The following ST6GALNAC5 variants were observed in gnomAD, a reference collection of about 807,000 sequenced individuals.
ST6GALNAC5 encodes ST6 N-acetylgalactosaminide alpha-2,6-sialyltransferase 5.
ST6GALNAC5 carries 27 observed loss-of-function variants against 33.6 expected under a neutral mutation model. That is an observed-to-expected ratio of 0.80 (90% CI 0.59 to 1.11). The LOEUF (loss-of-function observed/expected upper bound fraction) is 1.11. ST6GALNAC5 is among the 50% of genes least tolerant of loss of function. ST6GALNAC5 has a pLI of 0.00. For synonymous variants in ST6GALNAC5, 194 were observed against 171.2 expected (o/e 1.13, Z -1.04); for missense variants, 428 against 454.0 (o/e 0.94, Z 0.52).
intron 2 of ST6GALNAC5, among the ~76,000 whole-genome samples, chr1:76,904,385 A>G (rs1646845458): frequency 3.9e-5 from 6 of 152,212 alleles, no homozygotes. Context: ...CGTTCATAGC[A>G]ACACAGTTTA....
intron 2 of ST6GALNAC5, among the ~76,000 whole-genome samples, chr1:76,944,355 G>T (rs114784664): frequency 7.2e-5 from 11 of 152,206 alleles, no homozygotes; most frequent in African/African-American, 2.4e-4. Flanking sequence ...GCATGAAAAA[G>T]AGAAAGTTCT....
chr1:77,009,870 A>G (rs763799133), intron 2 of ST6GALNAC5, among the ~76,000 whole-genome samples: 15 of 152,076 alleles, frequency 9.9e-5, no homozygotes, highest in Non-Finnish European at 1.9e-4. Flanking sequence ...TTTTTAATAG[A>G]GTGACCTTGA....
Position 77,044,397 on chromosome 1 carries a change from TC to T in ST6GALNAC5, c.457del (p.Leu153SerfsTer10). ...ATCGCGCATTCCAGCATCCAGAGGA[TC>T]CTCCGCAACCGCCATGACCTGCTCA... ...RVIAHSSIQRILRNRHDLLNV... is the reference protein window; with the variant it reads ...RVIAHSSIQRXLRNRHDLLNV... On this transcript the variant is annotated frameshift_variant, in exon 3 of 5. Coordinates refer to ENST00000477717, the MANE Select transcript of ST6GALNAC5 (RefSeq NM_030965.3). LOFTEE classifies it high-confidence loss of function. The T allele has an allele frequency of 1.9e-6, 3 of 1,612,978 alleles. No homozygotes were observed. The South Asian group carries it at 3.3e-5, about 18-fold the overall frequency.
chr1:76,951,242 C>G (rs745474338), intron 2 of ST6GALNAC5, among the ~76,000 whole-genome samples: 14 of 152,120 alleles, frequency 9.2e-5, no homozygotes, highest in Admixed American at 2.6e-4. Context: ...GAGTTAACCT[C>G]CATCACCACT....
At chr1:77,046,746 A>G (rs898993382) in intron 3 of ST6GALNAC5, among the ~76,000 whole-genome samples, 1 of 152,260 alleles carries the variant, frequency 6.6e-6, no homozygotes, top group African/African-American at 2.4e-5. Context: ...AAAATTTGAA[A>G]TAAGTAGAAA....
chr1:76,892,425 C>G (rs1017734331), intron 2 of ST6GALNAC5, among the ~76,000 whole-genome samples: 2 of 152,160 alleles, frequency 1.3e-5, no homozygotes, highest in Non-Finnish European at 2.9e-5. Context: ...AGGCATTCAG[C>G]ATTACTTGTA....
chr1:76,986,988 C>G (rs1649529431), intron 2 of ST6GALNAC5, among the ~76,000 whole-genome samples: 1 of 151,942 alleles, frequency 6.6e-6, no homozygotes, highest in East Asian at 1.9e-4. Context: ...GGACACAGGG[C>G]AAGGGAACAT....
chr1:76,911,564 A>G (rs1246819428), intron 2 of ST6GALNAC5, among the ~76,000 whole-genome samples: 2 of 152,036 alleles, frequency 1.3e-5, no homozygotes, highest in African/African-American at 2.4e-5. Flanking sequence ...CTGTGAATCC[A>G]TCTGGTCCTG....
chr1:76,963,316 C>T (rs886604051), intron 2 of ST6GALNAC5, among the ~76,000 whole-genome samples: 22 of 152,174 alleles, frequency 1.4e-4, no homozygotes, highest in Admixed American at 1.2e-3. Context: ...GATCACACAG[C>T]GAGTGCTCTG....
rs1325960840 is a variant in ST6GALNAC5 at position 76,868,846 on chromosome 1, T to C, written c.261+104T>C. The stretch of plus-strand genomic sequence containing the variant: ...TGGGAGGCGCTGTGAGTAGGTGCCG[T>C]TCGAAGGCTGGAGGGGAGTGGACCC... On this transcript the variant is annotated intron_variant, in intron 2 of 4. Coordinates refer to ENST00000477717, the MANE Select transcript of ST6GALNAC5 (RefSeq NM_030965.3). This position sits in a 1 kb window ranked among gnomAD's most constrained non-coding sequence, Gnocchi z 4.3. 7.0e-7 allele frequency: 1 copy of C among 1,419,468 alleles called. No homozygotes were observed. Among genetic ancestry groups the C allele is most frequent in the African/African-American group, 1.5e-5 (1 of 67,534 alleles). 87.9% of individuals were successfully genotyped at this position (1,419,468 alleles called of 1,614,324 possible).
At chr1:76,924,615 C>T (rs1275771049) in intron 2 of ST6GALNAC5, among the ~76,000 whole-genome samples, 1 of 152,102 alleles carries the variant, frequency 6.6e-6, no homozygotes, top group African/African-American at 2.4e-5. Flanking sequence ...TCTTTGTTTC[C>T]TCATATACTT....
At chr1:76,967,736 T>C (rs546616219) in intron 2 of ST6GALNAC5, among the ~76,000 whole-genome samples, 2 of 152,216 alleles carry the variant, frequency 1.3e-5, no homozygotes, top group African/African-American at 4.8e-5. Context: ...TAAATTTCCC[T>C]CTACACACTG....
chr1:76,981,373 G>C (rs1478624632), intron 2 of ST6GALNAC5, among the ~76,000 whole-genome samples: 1 of 152,218 alleles, frequency 6.6e-6, no homozygotes, highest in Non-Finnish European at 1.5e-5. Context: ...CACCCATAGA[G>C]CCTTGCTCAC....
At chr1:76,874,125 G>T (rs1406198372) in intron 2 of ST6GALNAC5, among the ~76,000 whole-genome samples, 1 of 152,182 alleles carries the variant, frequency 6.6e-6, no homozygotes, top group Non-Finnish European at 1.5e-5. Flanking sequence ...TTAGAAGTTT[G>T]TTAAGCTTTC....
intron 2 of ST6GALNAC5, among the ~76,000 whole-genome samples, chr1:76,979,098 A>G (rs1303125265): frequency 6.6e-6 from 1 of 152,134 alleles, no homozygotes; most frequent in African/African-American, 2.4e-5. Flanking sequence ...AAACTATAAA[A>G]CATGGATGAA....
intron 2 of ST6GALNAC5, among the ~76,000 whole-genome samples, chr1:76,969,594 G>A (rs1031517998): frequency 6.6e-5 from 10 of 152,216 alleles, no homozygotes; most frequent in African/African-American, 2.4e-4. Flanking sequence ...ACCTATGGGG[G>A]CAGGGCATAG....
chr1:76,942,438 T>A (rs554851516), intron 2 of ST6GALNAC5, among the ~76,000 whole-genome samples: 8 of 152,114 alleles, frequency 5.3e-5, no homozygotes, highest in Non-Finnish European at 1.0e-4. Flanking sequence ...TCCAAAATCA[T>A]TGGAGCAGTT....
At chr1:76,867,845 C>G (rs1040587470) in intron 1 of ST6GALNAC5, among the ~76,000 whole-genome samples, 155 bp downstream of exon 1, 2 of 152,108 alleles carry the variant, frequency 1.3e-5, no homozygotes, top group Admixed American at 6.5e-5. Flanking sequence ...CGTTCCCTCC[C>G]GATTCTCCAG....
At chr1:77,051,536 T>G (rs1412985383) in intron 4 of ST6GALNAC5, among the ~76,000 whole-genome samples, 1 of 152,154 alleles carries the variant, frequency 6.6e-6, no homozygotes, top group African/African-American at 2.4e-5. Flanking sequence ...TCCATAGACG[T>G]GGATGTGATA....
Sources: gnomAD v4.1 joint callset for allele counts (sites outside exome capture counted in the v4.1 genomes callset) on GRCh38, gnomAD v4.1.1 for gene constraint, Gnocchi (gnomAD v3.1) non-coding constraint, MANE v1.5 for transcripts, NCBI Gene and HGNC (gene_info 2026-07-23, HGNC 2026-07-21) for gene names.